KHDRBS3: variants seen among roughly 807,000 people sequenced by gnomAD.
KHDRBS3 encodes the protein KH RNA binding domain containing, signal transduction associated 3, also known as KH domain-containing, RNA-binding, signal transduction-associated protein 3.
Under a neutral mutation model 45.6 loss-of-function variants are expected in KHDRBS3, and 23 were observed. The ratio of observed to expected loss-of-function variants is 0.50; its 90% CI spans 0.36 to 0.72. The LOEUF is 0.72. Among genes scored for constraint, KHDRBS3 ranks in the 30% least tolerant of loss-of-function variants. The pLI is 0.00. For synonymous variants in KHDRBS3, 162 were observed against 156.5 expected (o/e 1.04, Z -0.26); for missense variants, 352 against 424.8 (o/e 0.83, Z 1.51).
intron 7 of KHDRBS3, among the ~76,000 whole-genome samples, chr8:135,613,523 G>A (rs1277185095): frequency 6.6e-6 from 1 of 151,656 alleles, no homozygotes; most frequent in Non-Finnish European, 1.5e-5. Context: ...AGGACTGAAT[G>A]AGATGGTTTG....
Position 135,464,814 on chromosome 8 carries a change from A to C in KHDRBS3, c.88+6860A>C, listed in dbSNP as rs1245975225. 5.3e-5 allele frequency among the ~76,000 whole-genome samples: 8 copies of C among 152,242 alleles called. No individual in the cohort carries two copies. In the East Asian group the frequency reaches 1.5e-3, roughly 29 times the overall value. ...GTCAGGAAGGTCACATAATTTGCCT[A>C]AGAACACATAGCTAGTAACTGGTGA... On this transcript the variant is annotated intron_variant, in intron 1 of 8. Transcript: ENST00000355849.
intron 7 of KHDRBS3, among the ~76,000 whole-genome samples, chr8:135,623,062 T>C (rs998345671): frequency 6.6e-6 from 1 of 152,240 alleles, no homozygotes; most frequent in Non-Finnish European, 1.5e-5. Flanking sequence ...TATTTCAACC[T>C]GGTTTTTCAA....
chr8:135,546,438 A>G (rs967935707), intron 3 of KHDRBS3, among the ~76,000 whole-genome samples: 12 of 152,194 alleles, frequency 7.9e-5, no homozygotes, highest in Admixed American at 7.2e-4. Context: ...ATTGATGTAT[A>G]TTAGTTGGTT....
chr8:135,466,200 A>G (rs917125481), intron 1 of KHDRBS3, among the ~76,000 whole-genome samples: 4 of 152,222 alleles, frequency 2.6e-5, no homozygotes, highest in African/African-American at 4.8e-5. Context: ...TTGCTAATCA[A>G]TATTTGCAGA....
intron 1 of KHDRBS3, among the ~76,000 whole-genome samples, chr8:135,499,380 G>T (rs1019587735): frequency 1.3e-5 from 2 of 152,162 alleles, no homozygotes; most frequent in African/African-American, 4.8e-5. Context: ...GCTGCTAAGT[G>T]GTGGAGCTGT....
intron 1 of KHDRBS3, chr8:135,458,228 G>T: frequency 1.6e-6 from 2 of 1,226,390 alleles, no homozygotes; most frequent in Non-Finnish European, 2.1e-6. Flanking sequence ...ACACCCAGGG[G>T]AAACTTCTGG....
chr8:135,646,964 C>G (rs769480380), intron 8 of KHDRBS3, 29 bp from the exon 9 acceptor site: 52 of 1,207,878 alleles, frequency 4.3e-5, no homozygotes, highest in Non-Finnish European at 6.2e-5. Flanking sequence ...TGGCAGTGAT[C>G]TAATTGTGAT....
intron 1 of KHDRBS3, among the ~76,000 whole-genome samples, chr8:135,469,806 C>A (rs1035301303): frequency 2.0e-5 from 3 of 152,148 alleles, no homozygotes; most frequent in Non-Finnish European, 4.4e-5. Context: ...GGATTACAGG[C>A]GTGAGCCACC....
rs569028653 is a variant in KHDRBS3 at position 135,504,017 on chromosome 8, A to G, written c.89-17220A>G. Among the ~76,000 whole-genome samples the G allele has an allele frequency of 1.7e-4, 26 of 152,130 alleles. No individual in the cohort carries two copies. In the East Asian group the frequency reaches 5.0e-3, roughly 29 times the overall value. On this transcript the variant is annotated intron_variant, in intron 1 of 8. Transcript: ENST00000355849. The stretch of plus-strand genomic sequence containing the variant: ...CACTTGAGGTCTGCTGTTAATCACA[A>G]CTCTAGAGGTAGACCTCAGCTTGCC...
chr8:135,560,184 G>GAT lies in KHDRBS3; in HGVS notation c.611+2608_611+2609dup, dbSNP rs200828734. Among the ~76,000 whole-genome samples, 656 of 151,792 alleles carry GAT rather than the reference G, an allele frequency of 4.3e-3. 12 individuals carry two copies. The highest frequency in any genetic ancestry group is 0.014 in the African/African-American group (588 of 41,404). ...TATATATATACAGTTTATTTTTAGTGATATATATATATCTCTTATGATGAA... is the reference window on the plus strand; with the variant it reads ...TATATATATACAGTTTATTTTTAGTGATATATATATATATCTCTTATGATGAA... On this transcript the variant is annotated intron_variant, in intron 5 of 8. Coordinates refer to ENST00000355849, the MANE Select transcript of KHDRBS3 (RefSeq NM_006558.3).
downstream of KHDRBS3, among the ~76,000 whole-genome samples, chr8:135,649,224 G>A (rs1334296928): frequency 1.3e-5 from 2 of 151,670 alleles, no homozygotes; most frequent in African/African-American, 4.8e-5. Context: ...ATACTACTTA[G>A]GCCCTGATCT....
intron 7 of KHDRBS3, among the ~76,000 whole-genome samples, chr8:135,641,788 C>G (rs1045512688): frequency 6.6e-6 from 1 of 152,190 alleles, no homozygotes; most frequent in African/African-American, 2.4e-5. Context: ...TTAATTGAGT[C>G]TCAATTTCAA....
intron 1 of KHDRBS3, among the ~76,000 whole-genome samples, chr8:135,496,189 CAA>C (rs71578127): frequency 2.1e-5 from 3 of 140,732 alleles, no homozygotes; most frequent in Admixed American, 1.4e-4. Flanking sequence ...AAAGGTCATG[CAA>C]AAAAAAAATA....
chr8:135,639,705 C>G (rs1287922095), intron 7 of KHDRBS3, among the ~76,000 whole-genome samples: 1 of 152,222 alleles, frequency 6.6e-6, no homozygotes, highest in Non-Finnish European at 1.5e-5. Context: ...CCTCAGGGAG[C>G]TGTTACTCAT....
At chr8:135,622,822 G>C (rs1830202558) in intron 7 of KHDRBS3, among the ~76,000 whole-genome samples, 1 of 152,124 alleles carries the variant, frequency 6.6e-6, no homozygotes, top group African/African-American at 2.4e-5. Flanking sequence ...AGTTGGACTT[G>C]GGGAATCAAA....
intron 3 of KHDRBS3, among the ~76,000 whole-genome samples, chr8:135,547,706 C>T (rs1826381268): frequency 6.6e-6 from 1 of 152,108 alleles, no homozygotes; most frequent in East Asian, 1.9e-4. Context: ...GTGGTATTGC[C>T]AGGAATTCCT....
chr8:135,487,716 C>T (rs561200928), intron 1 of KHDRBS3, among the ~76,000 whole-genome samples: 40 of 152,158 alleles, frequency 2.6e-4, no homozygotes, highest in African/African-American at 9.4e-4. Flanking sequence ...CCTGGAGCCT[C>T]GATAGTCCAT....
chr8:135,618,932 G>C (rs2131078025), intron 7 of KHDRBS3, among the ~76,000 whole-genome samples: 1 of 152,290 alleles, frequency 6.6e-6, no homozygotes, highest in South Asian at 2.1e-4. Flanking sequence ...TCTGTAAGTA[G>C]TACTGACTGT....
At chr8:135,588,835 G>A (rs564851779) in intron 6 of KHDRBS3, among the ~76,000 whole-genome samples, 4 of 152,142 alleles carry the variant, frequency 2.6e-5, no homozygotes, top group Admixed American at 2.0e-4. Flanking sequence ...ATCTGTTCAC[G>A]GTCCCCTCTC....
Sources: gnomAD v4.1 joint callset for allele counts (sites outside exome capture counted in the v4.1 genomes callset) on GRCh38, gnomAD v4.1.1 for gene constraint, MANE v1.5 for transcripts, NCBI Gene and HGNC (gene_info 2026-07-23, HGNC 2026-07-21) for gene names.